SEMA6D: variants seen among roughly 807,000 people sequenced by gnomAD.
SEMA6D encodes the protein semaphorin 6D, also known as semaphorin-6D.
A neutral mutation model predicts 106.6 loss-of-function variants in SEMA6D; 35 were observed. The observed-to-expected ratio is 0.33, with a 90% CI of 0.25 to 0.44. The LOEUF is 0.44. Among genes scored for constraint, SEMA6D ranks in the 20% least tolerant of loss-of-function variants. The probability of loss-of-function intolerance (pLI) is 1.00; values close to 1 mark genes in which losing one functional copy is unlikely to be tolerated. For synonymous variants in SEMA6D, 499 were observed against 487.7 expected (o/e 1.02, Z -0.31); for missense variants, 1,185 against 1,345.9 (o/e 0.88, Z 1.87).
At chr15:47,445,239 G>A (rs960757160) in intron 2 of SEMA6D, among the ~76,000 whole-genome samples, 8 of 152,058 alleles carry the variant, frequency 5.3e-5, no homozygotes, top group African/African-American at 1.7e-4. Context: ...ACTTTTGGGT[G>A]AGAAAAGAGG....
chr15:47,372,306 G>A (rs2039302656), intron 1 of SEMA6D, among the ~76,000 whole-genome samples: 1 of 152,172 alleles, frequency 6.6e-6, no homozygotes, highest in South Asian at 2.1e-4. Flanking sequence ...CTCATCTTCA[G>A]GCAAGGAAGA....
chr15:47,260,412 C>T (rs1436109017), intron 1 of SEMA6D, among the ~76,000 whole-genome samples: 1 of 152,092 alleles, frequency 6.6e-6, no homozygotes, highest in Non-Finnish European at 1.5e-5. Flanking sequence ...CCTTAATTTT[C>T]ATGGTCTTTG....
intron 1 of SEMA6D, among the ~76,000 whole-genome samples, chr15:47,407,412 A>C (rs945703912): frequency 1.6e-4 from 24 of 150,388 alleles, no homozygotes; most frequent in Middle Eastern, 3.4e-3. Context: ...ACAACAACAA[A>C]AAAAACAAAA....
intron 1 of SEMA6D, among the ~76,000 whole-genome samples, chr15:47,720,261 C>CTTTTTTTTTTTTTTTTTTTTTTTTT (rs869122623): frequency 2.1e-5 from 2 of 97,166 alleles, no homozygotes; most frequent in Non-Finnish European, 4.0e-5. Context: ...AATAACCTTT[C>CTTTTTTTTTTTTTTTTTTTTTTTTT]TTTTTTTTTT....
intron 1 of SEMA6D, among the ~76,000 whole-genome samples, chr15:47,222,032 T>G (rs2141379215): frequency 6.6e-6 from 1 of 151,910 alleles, no homozygotes; most frequent in South Asian, 2.1e-4. Flanking sequence ...GACACACGCA[T>G]GCACACGCAC....
intron 3 of SEMA6D, chr15:47,581,467 T>G: frequency 2.3e-6 from 1 of 430,836 alleles, no homozygotes. Flanking sequence ...GGGAAGGCAC[T>G]CCTTTAGATG....
chr15:47,601,892 A>G (rs567189783), intron 4 of SEMA6D, among the ~76,000 whole-genome samples: 1 of 152,194 alleles, frequency 6.6e-6, no homozygotes, highest in Admixed American at 6.5e-5. Context: ...GTTTCAGATC[A>G]TAGAAAAAGT....
At chr15:47,615,142 A>C (rs1175348683) in intron 4 of SEMA6D, among the ~76,000 whole-genome samples, 1 of 152,234 alleles carries the variant, frequency 6.6e-6, no homozygotes, top group East Asian at 1.9e-4. Flanking sequence ...GTATGATTCG[A>C]CCAACCACAG....
At chr15:47,472,245 C>T (rs2042873431) in intron 3 of SEMA6D, among the ~76,000 whole-genome samples, 1 of 151,996 alleles carries the variant, frequency 6.6e-6, no homozygotes, top group Non-Finnish European at 1.5e-5. Context: ...TTTTAATAGC[C>T]CCTATTGTAC....
intron 3 of SEMA6D, among the ~76,000 whole-genome samples, chr15:47,488,938 T>G (rs772911022): frequency 6.6e-6 from 1 of 152,170 alleles, no homozygotes; most frequent in Non-Finnish European, 1.5e-5. Flanking sequence ...GGAAGTGATA[T>G]TCTGTAGTGG....
At chr15:47,615,671 C>G (rs2076994497) in intron 4 of SEMA6D, among the ~76,000 whole-genome samples, 1 of 152,130 alleles carries the variant, frequency 6.6e-6, no homozygotes, top group Non-Finnish European at 1.5e-5. Flanking sequence ...GCTTCGGGAC[C>G]TTTTATTACC....
chr15:47,254,875 T>TGTG (rs375376803), intron 1 of SEMA6D, among the ~76,000 whole-genome samples: 3 of 134,308 alleles, frequency 2.2e-5, no homozygotes, highest in East Asian at 2.1e-4. Context: ...ACCTGTGGTT[T>TGTG]TGTGTGTGTG....
At chr15:47,645,934 G>A (rs1169931599) in intron 4 of SEMA6D, among the ~76,000 whole-genome samples, 1 of 152,204 alleles carries the variant, frequency 6.6e-6, no homozygotes. Flanking sequence ...GCTGAGGTAT[G>A]TGGGGTGAGG....
intron 1 of SEMA6D, among the ~76,000 whole-genome samples, chr15:47,408,307 A>G (rs1217669009): frequency 6.6e-6 from 1 of 152,202 alleles, no homozygotes; most frequent in Non-Finnish European, 1.5e-5. Context: ...TAATGTATCT[A>G]CTGAGTAGTG....
At chr15:47,231,575 C>T (rs1389323431) in intron 1 of SEMA6D, among the ~76,000 whole-genome samples, 3 of 151,998 alleles carry the variant, frequency 2.0e-5, no homozygotes, top group Non-Finnish European at 4.4e-5. Flanking sequence ...AAATTTGTTG[C>T]TTATACTTTC....
intron 3 of SEMA6D, among the ~76,000 whole-genome samples, chr15:47,538,114 T>A (rs114871567): frequency 0.013 from 2,022 of 152,218 alleles, 42 homozygotes; most frequent in African/African-American, 0.046. Context: ...GACTAAGATG[T>A]GATCAGAGAA....
At chr15:47,352,808 G>T (rs2038378185) in intron 1 of SEMA6D, among the ~76,000 whole-genome samples, 1 of 152,126 alleles carries the variant, frequency 6.6e-6, no homozygotes, top group Admixed American at 6.6e-5. Context: ...CCCAGTATTG[G>T]ATATATTATG....
chr15:47,375,676 T>C (rs1234194845), intron 1 of SEMA6D, among the ~76,000 whole-genome samples: 1 of 152,182 alleles, frequency 6.6e-6, no homozygotes, highest in Non-Finnish European at 1.5e-5. Flanking sequence ...CTAATTCTTA[T>C]AAGACAAAGA....
chr15:47,332,370 A>T (rs1350971038), intron 1 of SEMA6D, among the ~76,000 whole-genome samples: 1 of 152,144 alleles, frequency 6.6e-6, no homozygotes, highest in Non-Finnish European at 1.5e-5. Context: ...TGAAATGTTG[A>T]GTCTGAACAG....
Sources: allele counts gnomAD v4.1 joint callset (sites outside exome capture counted in the v4.1 genomes callset), GRCh38; gene constraint gnomAD v4.1.1; transcripts MANE v1.5; gene names NCBI Gene and HGNC (gene_info 2026-07-23, HGNC 2026-07-21).